CLSTN3: variants seen among roughly 807,000 people sequenced by gnomAD.
CLSTN3 encodes calsyntenin 3, also known as calsyntenin-3.
Under a neutral mutation model 95.9 loss-of-function variants are expected in CLSTN3, and 36 were observed. The observed-to-expected ratio is 0.38, with a 90% CI of 0.29 to 0.50. The LOEUF (loss-of-function observed/expected upper bound fraction) is 0.50. Ranked by LOEUF, CLSTN3 falls within the 20% of genes least tolerant of loss-of-function variation. The probability of loss-of-function intolerance (pLI) is 0.95; values close to 1 mark genes in which losing one functional copy is unlikely to be tolerated. For missense variants in CLSTN3, 1,084 were observed against 1,268.8 expected, an observed-to-expected ratio of 0.85 and a Z score of 2.21; for synonymous variants, 481 against 504.0, an observed-to-expected ratio of 0.95 and a Z score of 0.61.
rs773193690 is a variant in CLSTN3, at chr12:7,151,035, C to T, written c.2499C>T (p.His833=). 12 of 1,607,804 alleles carry T rather than the reference C, an allele frequency of 7.5e-6. No homozygotes were observed. The Admixed American group carries it at 8.5e-5, about 11-fold the overall frequency. The stretch of plus-strand genomic sequence containing the variant: ...AGCCCCCGCCTGAGATGGCTGGACA[C>T]AGCCTAGCCAGCTCCCACAGAAACT... ...GHQPPPEMAG[H]SLASSHRNSM... Residue 833 remains histidine, a synonymous_variant, in exon 16 of 18, where the codon CAC becomes CAT. Coordinates refer to ENST00000266546, the MANE Select transcript of CLSTN3 (RefSeq NM_014718.4).
At chr12:7,143,698 T>C (rs999553304) in intron 12 of CLSTN3, among the ~76,000 whole-genome samples, 4 of 152,212 alleles carry the variant, frequency 2.6e-5, no homozygotes, top group African/African-American at 4.8e-5. Context: ...TCCTGGCTGC[T>C]TCACTTGTTT....
At chr12:7,140,047 G>A (rs761576935) in intron 8 of CLSTN3, among the ~76,000 whole-genome samples, 1 of 152,330 alleles carries the variant, frequency 6.6e-6, no homozygotes, top group Admixed American at 6.5e-5. Context: ...CTTCATGAAA[G>A]GGGTTGGAGA....
In CLSTN3 at chr12:7,158,539, G is replaced by A. The variant is rs12303975; in HGVS notation, c.*458G>A. 1,098 of 154,118 alleles carry A rather than the reference G, an allele frequency of 7.1e-3. 12 individuals are homozygous for A. Among genetic ancestry groups the A allele is most frequent in the African/African-American group, 0.025 (1,051 of 41,532 alleles). 9.5% of individuals were successfully genotyped at this position (154,118 alleles called of 1,614,324 possible). On this transcript the variant is annotated 3_prime_UTR_variant, in exon 18 of 18. Coordinates refer to ENST00000266546, the MANE Select transcript of CLSTN3 (RefSeq NM_014718.4). ...GCAGGGCTCCCTCAGCTGGACCATCGTCCCTGCTTCTCTTATGATCGCCCC... is the reference window on the plus strand; with the variant it reads ...GCAGGGCTCCCTCAGCTGGACCATCATCCCTGCTTCTCTTATGATCGCCCC...
In CLSTN3 at chr12:7,149,981, C is replaced by T. The variant is rs867867306; in HGVS notation, c.2245+288C>T. 1.8e-4 allele frequency among the ~76,000 whole-genome samples: 27 copies of T among 152,332 alleles called. No homozygotes were observed. The highest frequency in any genetic ancestry group is 6.8e-3 in the Middle Eastern group (2 of 294). ...GGCTTCTCACCTTCCTCTCCTCCTTCGGCTCATCTCTGCCCAGCTTTCTAA... is the reference window on the plus strand; with the variant it reads ...GGCTTCTCACCTTCCTCTCCTCCTTTGGCTCATCTCTGCCCAGCTTTCTAA... On this transcript the variant is annotated intron_variant, in intron 14 of 17. Transcript: ENST00000266546. This position sits in a 1 kb window ranked among gnomAD's most constrained non-coding sequence, Gnocchi z 4.5.
At position 7,143,235 on chromosome 12, in the gene CLSTN3, C is replaced by G; in HGVS notation, c.1771C>G (p.Gln591Glu). The G allele has an allele frequency of 6.2e-7, 1 of 1,613,954 alleles. No individual in the cohort carries two copies. Among genetic ancestry groups the G allele is most frequent in the East Asian group, 2.2e-5 (1 of 44,884 alleles). The change falls in exon 12 of 18, where the codon CAG becomes GAG. Residue 591 changes from glutamine to glutamate, a missense_variant. By Grantham distance (29) the Gln-to-Glu change is conservative. Transcript: ENST00000266546. ...TGTGGAGACCTTCAACCATGCCCTG[C>G]AGCATGTGGCTTACATGAACACTCT... ...DDVETFNHAL[Q>E]HVAYMNTLRF...
At position 7,130,666 on chromosome 12, in the gene CLSTN3, G is replaced by A; in HGVS notation, c.18G>A (p.Leu6=). The A allele has an allele frequency of 1.3e-6, 2 of 1,572,660 alleles. No homozygotes were observed. The highest frequency in any genetic ancestry group is 1.2e-5 in the South Asian group (1 of 86,070). ...GCCGCACCATGACCCTCCTGCTGCT[G>A]CCCCTTCTGCTGGCCTCTCTGCTCG... is the stretch of plus-strand genomic sequence containing the variant. MTLLL[L]PLLLASLLAS... is the part of the protein sequence containing the mutation. The change falls in exon 1 of 18, where the codon CTG becomes CTA. Residue 6 remains leucine, a synonymous_variant. Transcript: ENST00000266546.
In CLSTN3 at chr12:7,141,151, C is replaced by T. The variant is rs79390230; in HGVS notation, c.1324-91C>T. 3.9e-3 allele frequency: 5,268 copies of T among 1,349,590 alleles called. 139 individuals carry two copies. In the African/African-American group the frequency reaches 0.061, roughly 16 times the overall value. The allele number at this position is 1,349,590 out of a possible 1,614,324, so 83.6% of individuals were successfully genotyped here. On this transcript the variant is annotated intron_variant, in intron 8 of 17. Transcript: ENST00000266546. The surrounding 1 kb of genome is among the most constrained non-coding windows in gnomAD (Gnocchi z 4.1). The stretch of plus-strand genomic sequence containing the variant: ...TAGAACTGGGAATAAAGGGACTGTC[C>T]CCTGTCTCCCAGGAGATGGGGCAGT...
chr12:7,136,140 G>T lies in CLSTN3; in HGVS notation c.743-66G>T, dbSNP rs944836814. ...ACTGTCCATGGACATGGCAAGAGGA[G>T]CATGGAGAGGGGAGGCTGCTTTACC... On this transcript the variant is annotated intron_variant, in intron 5 of 17. Transcript: ENST00000266546. 9 of 1,555,828 alleles carry T rather than the reference G, an allele frequency of 5.8e-6. No individual in the cohort carries two copies. In the South Asian group the frequency reaches 1.1e-4, roughly 19 times the overall value.
intron 16 of CLSTN3, among the ~76,000 whole-genome samples, chr12:7,152,406 A>G (rs887397331): frequency 1.3e-5 from 2 of 152,274 alleles, no homozygotes; most frequent in Non-Finnish European, 2.9e-5. Context: ...GTGTTACTCA[A>G]CTTCATCACC....
intron 8 of CLSTN3, among the ~76,000 whole-genome samples, chr12:7,139,809 C>A (rs1939497833): frequency 6.6e-6 from 1 of 152,016 alleles, no homozygotes; most frequent in South Asian, 2.1e-4. Context: ...CCACCACGCC[C>A]AGCTAATTTT....
At chr12:7,131,807 C>T (rs1436463561) in intron 1 of CLSTN3, 1 of 456,516 alleles carries the variant, frequency 2.2e-6, no homozygotes, top group Non-Finnish European at 4.4e-6. Flanking sequence ...GCTTTCTCCT[C>T]AGCATTCAGG....
chr12:7,155,741 G>A (rs1267015928), intron 16 of CLSTN3, among the ~76,000 whole-genome samples: 1 of 152,254 alleles, frequency 6.6e-6, no homozygotes, highest in Non-Finnish European at 1.5e-5. Context: ...TCGAGGGAGT[G>A]TGCCCCAGCA....
At chr12:7,135,098 G>A (rs1939378518) in intron 3 of CLSTN3, among the ~76,000 whole-genome samples, 1 of 152,032 alleles carries the variant, frequency 6.6e-6, no homozygotes, top group Non-Finnish European at 1.5e-5. Flanking sequence ...TACAGTATAA[G>A]GCTGTATCTC....
In CLSTN3 at chr12:7,133,957, T is replaced by G; in HGVS notation, c.383+189T>G. 1.8e-6 allele frequency: 1 copy of G among 544,068 alleles called. No individual in the cohort carries two copies. The highest frequency in any genetic ancestry group is 2.7e-5 in the South Asian group (1 of 36,534). The allele number at this position is 544,068 out of a possible 1,614,324, so 33.7% of individuals were successfully genotyped here. On this transcript the variant is annotated intron_variant, in intron 3 of 17. Coordinates refer to ENST00000266546, the MANE Select transcript of CLSTN3 (RefSeq NM_014718.4). This position sits in a 1 kb window ranked among gnomAD's most constrained non-coding sequence, Gnocchi z 4.7. Reference sequence around the variant, plus strand: ...TTTCAGGCAAGGTGACAGAAACGTATAGTAGAGTTCAGTGGATCTAATCTT... The same window carrying G: ...TTTCAGGCAAGGTGACAGAAACGTAGAGTAGAGTTCAGTGGATCTAATCTT...
In CLSTN3 at chr12:7,142,734, T is replaced by C. The variant is rs905493729; in HGVS notation, c.1541-135T>C. 10 of 573,722 alleles carry C rather than the reference T, an allele frequency of 1.7e-5. No homozygotes were observed. The African/African-American group carries it at 1.8e-4, about 10-fold the overall frequency. The allele number at this position is 573,722 out of a possible 1,614,324, so 35.5% of individuals were successfully genotyped here. A position where few individuals can be genotyped will look rare whatever the true frequency, so the allele number is the denominator to read the frequency against. ...TCTTTTTTCCTTTTTTTTTTTTTTT[T>C]TGGTTTCCACATTTCTCCTTTTTTT... On this transcript the variant is annotated intron_variant, in intron 10 of 17. Coordinates refer to ENST00000266546, the MANE Select transcript of CLSTN3 (RefSeq NM_014718.4).
chr12:7,136,838 C>T lies in CLSTN3; in HGVS notation c.938C>T (p.Thr313Ile). Residue 313 changes from threonine (T) to isoleucine (I), a missense_variant, in exon 7 of 18, where the codon ACT becomes ATT. Physicochemically the swap from Thr to Ile is moderately conservative, Grantham distance 89. Coordinates refer to ENST00000266546, the MANE Select transcript of CLSTN3 (RefSeq NM_014718.4). ...RALRKLCGAA[T>I]GEVDLLPMPG... ...CCTGGGGCTCCCACAGGTGCTGCCA[C>T]TGGGGAGGTGGATCTGTTGCCCATG... The T allele has an allele frequency of 6.2e-7, 1 of 1,613,926 alleles. No individual in the cohort carries two copies.
At chr12:7,138,159 G>T in intron 8 of CLSTN3, 92 bp downstream of exon 8, 2 of 880,024 alleles carry the variant, frequency 2.3e-6, no homozygotes, top group Non-Finnish European at 3.6e-6. Context: ...CATTTTCTGG[G>T]TTCCCCCTTG....
At chr12:7,134,109 G>A (rs1248933976) in intron 3 of CLSTN3, among the ~76,000 whole-genome samples, 1 of 152,196 alleles carries the variant, frequency 6.6e-6, no homozygotes, top group South Asian at 2.1e-4. Flanking sequence ...GATGGTTTGT[G>A]TTGAAAGCAT....
chr12:7,140,408 A>C (rs1939505582), intron 8 of CLSTN3, among the ~76,000 whole-genome samples: 1 of 152,136 alleles, frequency 6.6e-6, no homozygotes, highest in Admixed American at 6.5e-5. Context: ...TAACTATGGT[A>C]CCCAAACCCA....
Sources: gnomAD v4.1 joint callset for allele counts (sites outside exome capture counted in the v4.1 genomes callset) on GRCh38, gnomAD v4.1.1 for gene constraint, Gnocchi (gnomAD v3.1) non-coding constraint, MANE v1.5 for transcripts, NCBI Gene and HGNC (gene_info 2026-07-23, HGNC 2026-07-21) for gene names.